NCS1: variants seen among roughly 807,000 people sequenced by gnomAD.
NCS1 encodes the protein frequenin homolog.
In NCS1, 6 loss-of-function variants were observed where a neutral mutation model predicts 28.4. That is an observed-to-expected ratio of 0.21 (90% confidence interval 0.12 to 0.42). The LOEUF is 0.42. Among genes scored for constraint, NCS1 ranks in the 10% least tolerant of loss-of-function variants. The probability of loss-of-function intolerance (pLI) is 1.00; values close to 1 mark genes in which losing one functional copy is unlikely to be tolerated. For synonymous variants in NCS1, 86 were observed against 99.3 expected (o/e 0.87, Z 0.79); for missense variants, 131 against 241.4 (o/e 0.54, Z 3.03).
At chr9:130,205,390 GA>G in intron 2 of NCS1, among the ~76,000 whole-genome samples, 1 of 151,976 alleles carries the variant, frequency 6.6e-6, no homozygotes, top group African/African-American at 2.4e-5. Flanking sequence ...AGCTTATAAA[GA>G]AAAAAGCAAC....
chr9:130,202,111 C>T (rs1206388283), intron 2 of NCS1, among the ~76,000 whole-genome samples: 1 of 152,222 alleles, frequency 6.6e-6, no homozygotes, highest in Non-Finnish European at 1.5e-5. Flanking sequence ...GCCACCCTCC[C>T]CAGACCTCAG....
intron 1 of NCS1, among the ~76,000 whole-genome samples, chr9:130,179,921 C>G (rs1036816821): frequency 3.9e-5 from 6 of 152,138 alleles, no homozygotes; most frequent in Non-Finnish European, 8.8e-5. Context: ...CTGCTTTGTT[C>G]CTGTCAGGGC....
intron 7 of NCS1, among the ~76,000 whole-genome samples, chr9:130,228,826 C>T (rs1489482049): frequency 8.6e-5 from 13 of 151,740 alleles, no homozygotes; most frequent in Admixed American, 7.9e-4. Flanking sequence ...GCCACCATGG[C>T]GCCTGGCTAA....
intron 1 of NCS1, among the ~76,000 whole-genome samples, chr9:130,189,872 A>AT (rs1564704584): frequency 1.1e-4 from 11 of 100,906 alleles, no homozygotes; most frequent in African/African-American, 4.0e-4. Context: ...AAAAAAAAAA[A>AT]AAAAAAAATA....
rs530651250 is a variant in NCS1 at position 130,186,819 on chromosome 9, C to T, written c.64+14092C>T. On this transcript the variant is annotated intron_variant, in intron 1 of 7. Coordinates refer to ENST00000372398, the MANE Select transcript of NCS1 (RefSeq NM_014286.4). This position sits in a 1 kb window ranked among gnomAD's most constrained non-coding sequence, Gnocchi z 4.1. ...GACTGCAGCATAGAGGGCCTGTGGC[C>T]GTGAGGGTGCTGATGGCGGGAGGGC... Among the ~76,000 whole-genome samples, 27 of 152,308 alleles carry T rather than the reference C, an allele frequency of 1.8e-4. No individual in the cohort carries two copies. The highest frequency in any genetic ancestry group is 6.5e-4 in the African/African-American group (27 of 41,570).
At chr9:130,228,026 T>G (rs1833441569) in intron 7 of NCS1, among the ~76,000 whole-genome samples, 1 of 152,186 alleles carries the variant, frequency 6.6e-6, no homozygotes, top group African/African-American at 2.4e-5. Flanking sequence ...GCAGCCTTGT[T>G]CCCTTGCCAT....
intron 2 of NCS1, among the ~76,000 whole-genome samples, chr9:130,205,796 T>C (rs1216481599): frequency 6.6e-6 from 1 of 151,312 alleles, no homozygotes; most frequent in Non-Finnish European, 1.5e-5. Flanking sequence ...ATTGTGTCAC[T>C]GTACTCCAGC....
chr9:130,210,178 A>C (rs1387154343), intron 2 of NCS1, among the ~76,000 whole-genome samples: 3 of 152,040 alleles, frequency 2.0e-5, no homozygotes, highest in Non-Finnish European at 2.9e-5. Flanking sequence ...AGGCGGCCAG[A>C]TCATGAGGTC....
Position 130,226,518 on chromosome 9 carries a change from CG to C in NCS1, c.*17+18del. ...GGCTGGAGCTGGGTGAGTGCAGACT[CG>C]GGGCCTGGGGTGGGTCTGGGATGGG... On this transcript the variant is annotated intron_variant, in intron 7 of 7. Transcript: ENST00000372398. The surrounding 1 kb of genome is among the most constrained non-coding windows in gnomAD (Gnocchi z 4.8). The C allele has an allele frequency of 2.5e-6, 4 of 1,569,594 alleles. No homozygotes were observed. The highest frequency in any genetic ancestry group is 3.4e-4 in the Middle Eastern group (2 of 5,944).
intron 1 of NCS1, among the ~76,000 whole-genome samples, chr9:130,188,452 C>T (rs1363312938): frequency 1.1e-4 from 16 of 143,502 alleles, no homozygotes; most frequent in Admixed American, 2.1e-4. Context: ...GACGGGGTTT[C>T]GCTCTTGTTG....
At chr9:130,222,516 A>G in intron 4 of NCS1, 134 bp from the exon 5 acceptor site, 2 of 722,410 alleles carry the variant, frequency 2.8e-6, no homozygotes, top group Non-Finnish European at 5.0e-6. Flanking sequence ...CCTGATGTAA[A>G]TATTAGTTGA....
intron 2 of NCS1, among the ~76,000 whole-genome samples, chr9:130,208,728 C>T (rs782402470): frequency 1.3e-5 from 2 of 152,228 alleles, no homozygotes; most frequent in Admixed American, 6.5e-5. Context: ...CGGAGACAGC[C>T]TCTCAGCAAC....
chr9:130,233,337 A>G lies in NCS1; in HGVS notation c.*365A>G, dbSNP rs1195791495. On this transcript the variant is annotated 3_prime_UTR_variant, in exon 8 of 8. Transcript: ENST00000372398. The surrounding 1 kb of genome is among the most constrained non-coding windows in gnomAD (Gnocchi z 4.8). The stretch of plus-strand genomic sequence containing the variant: ...ATTTTGAACAGACGTTTTAAAAGAA[A>G]AAAAAACAACTACCTTCTGTCCTAG... 7 of 152,196 alleles carry G rather than the reference A, an allele frequency of 4.6e-5. No individual in the cohort carries two copies. Among genetic ancestry groups the G allele is most frequent in the Admixed American group, 2.6e-4 (4 of 15,276 alleles). The allele number at this position is 152,196 out of a possible 1,614,324, so 9.4% of individuals were successfully genotyped here. A position where few individuals can be genotyped will look rare whatever the true frequency, so the allele number is the denominator to read the frequency against.
chr9:130,187,682 C>T (rs1195072747), intron 1 of NCS1, among the ~76,000 whole-genome samples: 3 of 152,202 alleles, frequency 2.0e-5, no homozygotes, highest in Non-Finnish European at 2.9e-5. Flanking sequence ...CCAGTCTCTG[C>T]GTCCCTGCCA....
intron 1 of NCS1, among the ~76,000 whole-genome samples, chr9:130,173,144 G>A (rs1198944197): frequency 6.6e-6 from 1 of 151,702 alleles, no homozygotes; most frequent in African/African-American, 2.4e-5. Context: ...TCACGATGCC[G>A]CCGCCGCCGC....
At chr9:130,208,508 C>T (rs970658657) in intron 2 of NCS1, among the ~76,000 whole-genome samples, 15 of 152,174 alleles carry the variant, frequency 9.9e-5, no homozygotes, top group Admixed American at 8.5e-4. Context: ...AACTCCTGAC[C>T]TCAGGAAATG....
chr9:130,205,669 C>T (rs1486718756), intron 2 of NCS1, among the ~76,000 whole-genome samples: 1 of 147,112 alleles, frequency 6.8e-6, no homozygotes, highest in Non-Finnish European at 1.5e-5. Flanking sequence ...GATCTCGTCT[C>T]TACAAAAGAA....
Position 130,180,672 on chromosome 9 carries a change from C to T in NCS1, c.64+7945C>T, listed in dbSNP as rs936442376. On this transcript the variant is annotated intron_variant, in intron 1 of 7. Coordinates refer to ENST00000372398, the MANE Select transcript of NCS1 (RefSeq NM_014286.4). The surrounding 1 kb of genome is among the most constrained non-coding windows in gnomAD (Gnocchi z 4.5). ...CCTTACGTCTCTGAGCTCTGAGGTC[C>T]CTTGCGCATGAGACAGGGATGTTTG... 2.0e-5 allele frequency among the ~76,000 whole-genome samples: 3 copies of T among 152,128 alleles called. No homozygotes were observed. The highest frequency in any genetic ancestry group is 7.2e-5 in the African/African-American group (3 of 41,414).
intron 1 of NCS1, among the ~76,000 whole-genome samples, chr9:130,174,806 A>AAAAAAAAAAAAAAAC (rs1832539997): frequency 1.3e-5 from 2 of 151,134 alleles, no homozygotes; most frequent in East Asian, 1.9e-4. Flanking sequence ...AAAAAAAAAA[A>AAAAAAAAAAAAAAAC]AGCTCTGCTG....
Sources: gnomAD v4.1 joint callset for allele counts (sites outside exome capture counted in the v4.1 genomes callset) on GRCh38, gnomAD v4.1.1 for gene constraint, Gnocchi (gnomAD v3.1) non-coding constraint, MANE v1.5 for transcripts, NCBI Gene and HGNC (gene_info 2026-07-23, HGNC 2026-07-21) for gene names.